SMURF2: variants seen among roughly 807,000 people sequenced by gnomAD.
SMURF2 encodes the protein SMAD specific E3 ubiquitin protein ligase 2, also known as E3 ubiquitin-protein ligase SMURF2.
A neutral mutation model predicts 109.6 loss-of-function variants in SMURF2; 48 were observed. The observed-to-expected ratio is 0.44, with a 90% CI of 0.35 to 0.56. SMURF2 has a LOEUF of 0.56. Among genes scored for constraint, SMURF2 ranks in the 20% least tolerant of loss-of-function variants. The pLI, the probability that SMURF2 is intolerant of heterozygous loss-of-function variation, is 0.01. For missense variants in SMURF2, 575 were observed against 909.0 expected (o/e 0.63, Z 4.72); for synonymous variants, 288 against 317.1 (o/e 0.91, Z 0.97).
intron 1 of SMURF2, among the ~76,000 whole-genome samples, chr17:64,611,423 T>C (rs1446523940): frequency 3.9e-5 from 6 of 152,104 alleles, no homozygotes; most frequent in African/African-American, 7.2e-5. Flanking sequence ...AAACCAAATA[T>C]GCGTTCCCCC....
intron 1 of SMURF2, among the ~76,000 whole-genome samples, chr17:64,612,355 T>A (rs1970056763): frequency 6.6e-6 from 1 of 152,040 alleles, no homozygotes; most frequent in African/African-American, 2.4e-5. Flanking sequence ...CCTCACATAA[T>A]CATAATTTTG....
Position 64,616,082 on chromosome 17 carries a change from G to A in SMURF2, c.53-9442C>T, listed in dbSNP as rs184798923. On this transcript the variant is annotated intron_variant, in intron 1 of 18. Coordinates refer to ENST00000262435, the MANE Select transcript of SMURF2 (RefSeq NM_022739.4). ...TGACCTCAAGTGATCCACCTGCCTC[G>A]ACCTCCCAAAGTGCTGGGATTACAG... Among the ~76,000 whole-genome samples, 29 of 151,970 alleles carry A rather than the reference G, an allele frequency of 1.9e-4. No homozygotes were observed. The East Asian group carries it at 1.9e-3, about 10-fold the overall frequency.
intron 10 of SMURF2, among the ~76,000 whole-genome samples, chr17:64,569,348 G>A (rs1969365016): frequency 6.6e-6 from 1 of 150,920 alleles, no homozygotes; most frequent in African/African-American, 2.4e-5. Flanking sequence ...ATGGATTAAA[G>A]ACTTTACAGT....
chr17:64,606,689 G>A (rs1555689090), intron 1 of SMURF2, 49 bp from the exon 2 acceptor site: 1 of 1,305,772 alleles, frequency 7.7e-7, no homozygotes, highest in Non-Finnish European at 1.1e-6. Flanking sequence ...AAAATGTTAA[G>A]AGTGTACTGT....
chr17:64,635,744 T>C (rs1970408153), intron 1 of SMURF2, among the ~76,000 whole-genome samples: 1 of 152,242 alleles, frequency 6.6e-6, no homozygotes, highest in Admixed American at 6.5e-5. Flanking sequence ...ATCTGAGTTG[T>C]TTCCACCCAA....
intron 1 of SMURF2, among the ~76,000 whole-genome samples, chr17:64,639,388 C>T (rs946193775): frequency 8.6e-5 from 13 of 151,944 alleles, no homozygotes; most frequent in African/African-American, 2.7e-4. Context: ...ACCGGCCTGA[C>T]CAACATGGGA....
chr17:64,632,108 A>T (rs914796145), intron 1 of SMURF2, among the ~76,000 whole-genome samples: 3 of 151,836 alleles, frequency 2.0e-5, no homozygotes, highest in Non-Finnish European at 4.4e-5. Flanking sequence ...ACAATCGCTC[A>T]CTACCACACC....
chr17:64,580,760 A>AT, intron 8 of SMURF2, 29 bp downstream of exon 8: 1 of 1,601,906 alleles, frequency 6.2e-7, no homozygotes, highest in Non-Finnish European at 8.5e-7. Flanking sequence ...AGTAAACCAC[A>AT]TTTTATTTTT....
chr17:64,569,927 C>T (rs1969375068), intron 10 of SMURF2, among the ~76,000 whole-genome samples: 1 of 152,202 alleles, frequency 6.6e-6, no homozygotes, highest in African/African-American at 2.4e-5. Flanking sequence ...TGCACAGAAA[C>T]AGTCCATACT....
In SMURF2 at chr17:64,587,470, C is replaced by A. The variant is rs181022497; in HGVS notation, c.401-1300G>T. ...TTACGTTAAATTATATCTCTGAAGT[C>A]CTTCTTTGCCACTCCAGTATTGTTT... On this transcript the variant is annotated intron_variant, in intron 5 of 18. Transcript: ENST00000262435. 7.9e-5 allele frequency among the ~76,000 whole-genome samples: 12 copies of A among 152,284 alleles called. No individual in the cohort carries two copies. In the East Asian group the frequency reaches 2.3e-3, roughly 29 times the overall value.
At chr17:64,645,040 T>C (rs1970542029) in intron 1 of SMURF2, among the ~76,000 whole-genome samples, 1 of 150,020 alleles carries the variant, frequency 6.7e-6, no homozygotes, top group African/African-American at 2.4e-5. Context: ...GCTGAGTAGA[T>C]TCGACAGGAA....
intron 1 of SMURF2, among the ~76,000 whole-genome samples, chr17:64,619,450 CCTGGGTGACACGG>C (rs1178896712): frequency 7.1e-6 from 1 of 141,138 alleles, no homozygotes; most frequent in Admixed American, 8.1e-5. Flanking sequence ...TGCACTCCCG[CCTGGGTGACACGG>C]CGAGACTCTT....
chr17:64,660,785 T>C (rs1970764724), intron 1 of SMURF2: 1 of 152,108 alleles, frequency 6.6e-6, no homozygotes. Context: ...GGGTAAATGG[T>C]GAAGGTAGGA....
intron 9 of SMURF2, among the ~76,000 whole-genome samples, chr17:64,575,692 C>G (rs1419007083): frequency 6.6e-6 from 1 of 151,816 alleles, no homozygotes; most frequent in Non-Finnish European, 1.5e-5. Flanking sequence ...GAGTCCTGAG[C>G]ATAAGCTTTA....
Position 64,591,109 on chromosome 17 carries a change from A to G in SMURF2, c.375T>C (p.Asn125=), listed in dbSNP as rs1969745775. ...CTACTATCTGTCCTCTAACTGTATC[A>G]TTGTCATTTGGCCCGAGTTTGCATA... ...LDLCKLGPND[N]DTVRGQIVVS... The change falls in exon 5 of 19, where the codon AAT becomes AAC. Residue 125 remains asparagine, a synonymous_variant. Transcript: ENST00000262435. 1 of 1,613,208 alleles carries G rather than the reference A, an allele frequency of 6.2e-7. No individual in the cohort carries two copies. Among genetic ancestry groups the G allele is most frequent in the South Asian group, 1.1e-5 (1 of 91,000 alleles).
At chr17:64,641,508 G>T (rs1347082517) in intron 1 of SMURF2, among the ~76,000 whole-genome samples, 1 of 152,088 alleles carries the variant, frequency 6.6e-6, no homozygotes, top group Non-Finnish European at 1.5e-5. Context: ...AACTTGTTTT[G>T]TAACCAATAG....
Position 64,566,561 on chromosome 17 carries a change from GTT to G in SMURF2, c.1017-3597_1017-3596del, listed in dbSNP as rs1164717270. Among the ~76,000 whole-genome samples the G allele has an allele frequency of 1.8e-3, 80 of 43,768 alleles. 1 individual carries two copies. The highest frequency in any genetic ancestry group is 2.0e-3 in the Non-Finnish European group (46 of 23,520). 28.7% of individuals were successfully genotyped at this position (43,768 alleles called of 152,430 possible). A position where few individuals can be genotyped will look rare whatever the true frequency, so the allele number is the denominator to read the frequency against. On this transcript the variant is annotated intron_variant, in intron 10 of 18. Coordinates refer to ENST00000262435, the MANE Select transcript of SMURF2 (RefSeq NM_022739.4). ...GATGTAGAAATGCTTAAGCTTTCTG[GTT>G]TTTTTTTTTTTTTTTTTTTTTTTTT...
chr17:64,559,623 G>A (rs1555684343), intron 12 of SMURF2, among the ~76,000 whole-genome samples: 1 of 151,466 alleles, frequency 6.6e-6, no homozygotes. Flanking sequence ...AACTGACTAC[G>A]AGCCAGGCAT....
intron 1 of SMURF2, among the ~76,000 whole-genome samples, chr17:64,661,377 C>G (rs962028878): frequency 1.3e-4 from 20 of 152,092 alleles, no homozygotes; most frequent in South Asian, 2.1e-4. Context: ...CGGGAACACA[C>G]ACGCACACCC....
Sources: gnomAD v4.1 joint callset for allele counts (sites outside exome capture counted in the v4.1 genomes callset) on GRCh38, gnomAD v4.1.1 for gene constraint, MANE v1.5 for transcripts, NCBI Gene and HGNC (gene_info 2026-07-23, HGNC 2026-07-21) for gene names.